Variants in TAFA1 observed in about 807,000 individuals in gnomAD.
TAFA1 encodes TAFA chemokine like family member 1.
TAFA1 carries 4 observed loss-of-function variants against 18.5 expected under a neutral mutation model. That is an observed-to-expected ratio of 0.22 (90% CI 0.11 to 0.49). The LOEUF (loss-of-function observed/expected upper bound fraction) is 0.49, where lower values mean the gene tolerates loss of function less well. Among genes scored for constraint, TAFA1 ranks in the 20% least tolerant of loss-of-function variants. The pLI is 0.98. For missense variants in TAFA1, 147 were observed against 169.0 expected (o/e 0.87, Z 0.72); for synonymous variants, 56 against 55.2 (o/e 1.01, Z -0.06).
At chr3:68,036,926 AC>A (rs1456101361) in intron 2 of TAFA1, among the ~76,000 whole-genome samples, 1 of 152,158 alleles carries the variant, frequency 6.6e-6, no homozygotes, top group Non-Finnish European at 1.5e-5. Context: ...CTTATTGAGC[AC>A]TTATCTAACA....
chr3:68,444,801 T>A (rs1403263459), intron 3 of TAFA1, among the ~76,000 whole-genome samples: 1 of 65,690 alleles, frequency 1.5e-5, no homozygotes. Context: ...TATATATATA[T>A]ATATATATAT....
At chr3:68,173,980 G>T (rs2066091945) in intron 2 of TAFA1, among the ~76,000 whole-genome samples, 1 of 152,104 alleles carries the variant, frequency 6.6e-6, no homozygotes, top group South Asian at 2.1e-4. Flanking sequence ...TATTTTAAAA[G>T]TGGTTATTGA....
chr3:68,275,241 AATT>A, intron 2 of TAFA1, among the ~76,000 whole-genome samples: 1 of 152,240 alleles, frequency 6.6e-6, no homozygotes, highest in Admixed American at 6.5e-5. Flanking sequence ...ATAAGCAAAT[AATT>A]AAAATGTAAT....
At chr3:68,390,293 C>G (rs914021440) in intron 2 of TAFA1, among the ~76,000 whole-genome samples, 1 of 152,170 alleles carries the variant, frequency 6.6e-6, no homozygotes, top group East Asian at 1.9e-4. Context: ...TGTAGCCAGA[C>G]TGCCTCTCTA....
intron 2 of TAFA1, among the ~76,000 whole-genome samples, chr3:68,336,899 T>G (rs917988617): frequency 1.3e-5 from 2 of 152,114 alleles, no homozygotes; most frequent in African/African-American, 4.8e-5. Context: ...AATTTTCTTA[T>G]TTTTAGAAGA....
At chr3:68,025,113 T>G (rs924818796) in intron 2 of TAFA1, among the ~76,000 whole-genome samples, 9 of 152,178 alleles carry the variant, frequency 5.9e-5, no homozygotes, top group African/African-American at 1.9e-4. Context: ...CCTTTCTTCA[T>G]TGCAGTGAAT....
intron 3 of TAFA1, among the ~76,000 whole-genome samples, chr3:68,503,824 A>G (rs1345760101): frequency 1.3e-5 from 2 of 152,128 alleles, no homozygotes; most frequent in African/African-American, 4.8e-5. Flanking sequence ...ATGGAACAGC[A>G]TTCATAGATT....
At chr3:68,404,130 C>T (rs1361654899) in intron 2 of TAFA1, among the ~76,000 whole-genome samples, 1 of 152,160 alleles carries the variant, frequency 6.6e-6, no homozygotes, top group African/African-American at 2.4e-5. Context: ...CCCCATTTTA[C>T]AGATGAGGAG....
At chr3:68,023,855 C>T (rs1459505114) in intron 2 of TAFA1, among the ~76,000 whole-genome samples, 3 of 152,116 alleles carry the variant, frequency 2.0e-5, no homozygotes, top group African/African-American at 2.4e-5. Context: ...AAAAATGAAG[C>T]AAACCTTTGA....
intron 2 of TAFA1, among the ~76,000 whole-genome samples, chr3:68,127,830 G>A (rs1471654477): frequency 2.0e-5 from 3 of 146,984 alleles, no homozygotes; most frequent in African/African-American, 7.9e-5. Context: ...TGATGGTGGT[G>A]GTGATGCTGA....
intron 2 of TAFA1, among the ~76,000 whole-genome samples, chr3:68,385,160 C>T (rs1262653409): frequency 6.6e-6 from 1 of 152,010 alleles, no homozygotes; most frequent in Non-Finnish European, 1.5e-5. Flanking sequence ...ATAGAGCCTA[C>T]CTCACTGGGT....
intron 3 of TAFA1, among the ~76,000 whole-genome samples, chr3:68,483,879 CTTATAGCTCT>C (rs1404080805): frequency 6.6e-6 from 1 of 152,210 alleles, no homozygotes; most frequent in Non-Finnish European, 1.5e-5. Flanking sequence ...GGCCAAGTCA[CTTATAGCTCT>C]TTAGACTGAG....
chr3:68,395,823 G>A (rs966023897), intron 2 of TAFA1, among the ~76,000 whole-genome samples: 1 of 152,118 alleles, frequency 6.6e-6, no homozygotes, highest in Non-Finnish European at 1.5e-5. Context: ...GTGGGCAAGG[G>A]AGGGATACTA....
At chr3:68,523,660 A>G (rs1329661743) in intron 3 of TAFA1, among the ~76,000 whole-genome samples, 1 of 152,188 alleles carries the variant, frequency 6.6e-6, no homozygotes, top group African/African-American at 2.4e-5. Context: ...CTTAATAACT[A>G]TTCAGTATAA....
At chr3:68,078,123 G>A (rs896423015) in intron 2 of TAFA1, among the ~76,000 whole-genome samples, 1 of 151,930 alleles carries the variant, frequency 6.6e-6, no homozygotes, top group Non-Finnish European at 1.5e-5. Context: ...TCTGTTGTTG[G>A]TGTATAAGAA....
intron 2 of TAFA1, among the ~76,000 whole-genome samples, chr3:68,090,632 C>G (rs1200679024): frequency 6.6e-6 from 1 of 152,150 alleles, no homozygotes; most frequent in Non-Finnish European, 1.5e-5. Context: ...TCAATGTTGG[C>G]TGTCCTTTGT....
intron 2 of TAFA1, among the ~76,000 whole-genome samples, chr3:68,361,034 ACT>A (rs2069458021): frequency 6.6e-6 from 1 of 152,006 alleles, no homozygotes; most frequent in Non-Finnish European, 1.5e-5. Flanking sequence ...TTTGCTGAAA[ACT>A]TTAATTACTG....
intron 2 of TAFA1, among the ~76,000 whole-genome samples, chr3:68,164,319 G>A (rs979394402): frequency 1.3e-5 from 2 of 152,134 alleles, no homozygotes; most frequent in Non-Finnish European, 2.9e-5. Context: ...AACTATTGTG[G>A]AATTCACACA....
At chr3:68,492,691 CAG>C (rs1309899086) in intron 3 of TAFA1, among the ~76,000 whole-genome samples, 1 of 151,980 alleles carries the variant, frequency 6.6e-6, no homozygotes, top group Non-Finnish European at 1.5e-5. Flanking sequence ...TAGAAAAAAA[CAG>C]AACATCAAGA....
Sources: allele counts gnomAD v4.1 joint callset (sites outside exome capture counted in the v4.1 genomes callset), GRCh38; gene constraint gnomAD v4.1.1; transcripts MANE v1.5; gene names NCBI Gene and HGNC (gene_info 2026-07-23, HGNC 2026-07-21).